Variants in MACROD2 observed in about 807,000 individuals in gnomAD.
MACROD2 encodes the protein mono-ADP ribosylhydrolase 2.
Under a neutral mutation model 70.4 loss-of-function variants are expected in MACROD2, and 36 were observed. That is an observed-to-expected ratio of 0.51 (90% confidence interval 0.39 to 0.68). MACROD2 has a LOEUF of 0.68. MACROD2 is among the 30% of genes least tolerant of loss of function. The probability of loss-of-function intolerance (pLI) is 0.00; values close to 1 mark genes in which losing one functional copy is unlikely to be tolerated. For missense variants in MACROD2, 496 were observed against 538.4 expected (o/e 0.92, Z 0.78); for synonymous variants, 172 against 178.8 (o/e 0.96, Z 0.30).
intron 8 of MACROD2, among the ~76,000 whole-genome samples, chr20:15,795,310 T>C (rs2063662872): frequency 6.6e-6 from 1 of 152,148 alleles, no homozygotes; most frequent in African/African-American, 2.4e-5. Context: ...TTTATGTTTC[T>C]ATAGATATCT....
At chr20:15,037,543 A>C (rs1005765184) in intron 5 of MACROD2, among the ~76,000 whole-genome samples, 1 of 152,192 alleles carries the variant, frequency 6.6e-6, no homozygotes, top group Non-Finnish European at 1.5e-5. Context: ...ACATGATTTC[A>C]AATGTGCTGG....
intron 8 of MACROD2, among the ~76,000 whole-genome samples, chr20:15,829,722 C>T (rs1180095698): frequency 6.6e-6 from 1 of 152,126 alleles, no homozygotes; most frequent in Non-Finnish European, 1.5e-5. Flanking sequence ...GCATTCTCCA[C>T]AGTCACACTC....
At chr20:15,305,141 G>C (rs1294205723) in intron 6 of MACROD2, among the ~76,000 whole-genome samples, 1 of 152,084 alleles carries the variant, frequency 6.6e-6, no homozygotes, top group African/African-American at 2.4e-5. Context: ...TGTGACCCTG[G>C]GCTGGCCAAT....
At chr20:14,776,852 C>T (rs1223695112) in intron 5 of MACROD2, among the ~76,000 whole-genome samples, 1 of 151,946 alleles carries the variant, frequency 6.6e-6, no homozygotes, top group Admixed American at 6.6e-5. Flanking sequence ...TGAAGTGTAC[C>T]TTGGGCTAAT....
At chr20:15,138,095 A>G (rs1234032560) in intron 5 of MACROD2, among the ~76,000 whole-genome samples, 3 of 152,156 alleles carry the variant, frequency 2.0e-5, no homozygotes, top group African/African-American at 7.2e-5. Flanking sequence ...ATATTCTGAT[A>G]TGAGATGAAA....
At chr20:14,304,119 C>G (rs1029939902) in intron 3 of MACROD2, among the ~76,000 whole-genome samples, 2 of 152,134 alleles carry the variant, frequency 1.3e-5, no homozygotes, top group African/African-American at 4.8e-5. Flanking sequence ...CGAATGCAAA[C>G]TTTCATGTCA....
chr20:14,980,187 G>T (rs1489182799), intron 5 of MACROD2, among the ~76,000 whole-genome samples: 2 of 152,096 alleles, frequency 1.3e-5, no homozygotes, highest in African/African-American at 4.8e-5. Flanking sequence ...CCTTAAAAAG[G>T]TTAATGGGTC....
At chr20:15,242,680 A>G (rs2077070017) in intron 6 of MACROD2, among the ~76,000 whole-genome samples, 1 of 152,254 alleles carries the variant, frequency 6.6e-6, no homozygotes, top group Non-Finnish European at 1.5e-5. Flanking sequence ...GGTATCTAAT[A>G]AATGACCAAG....
intron 5 of MACROD2, among the ~76,000 whole-genome samples, chr20:14,688,392 T>C (rs2071026507): frequency 6.6e-6 from 1 of 152,218 alleles, no homozygotes; most frequent in Admixed American, 6.5e-5. Flanking sequence ...ATTATACTTG[T>C]ATTCTGTGTT....
chr20:15,176,184 G>T (rs577003881), intron 5 of MACROD2, among the ~76,000 whole-genome samples: 1 of 152,206 alleles, frequency 6.6e-6, no homozygotes. Context: ...GCAAAGGAGG[G>T]GCTGAGGGCA....
chr20:14,987,896 G>A (rs2423901), intron 5 of MACROD2, among the ~76,000 whole-genome samples: 16,864 of 152,024 alleles, frequency 0.11, 2,132 homozygotes, highest in African/African-American at 0.31. Flanking sequence ...TCAGAAATCA[G>A]TTCATTGCTT....
chr20:14,510,779 GT>G (rs949630191), intron 4 of MACROD2, among the ~76,000 whole-genome samples: 19 of 152,080 alleles, frequency 1.2e-4, no homozygotes, highest in Admixed American at 1.1e-3. Context: ...TTTTCTTAAA[GT>G]TTTTTCACAA....
chr20:14,660,896 A>G (rs1311597523), intron 4 of MACROD2, among the ~76,000 whole-genome samples: 1 of 151,932 alleles, frequency 6.6e-6, no homozygotes, highest in African/African-American at 2.4e-5. Flanking sequence ...CTTTTTTTTA[A>G]TGGCTGTGTA....
chr20:15,972,866 C>G (rs1481597355), intron 13 of MACROD2, among the ~76,000 whole-genome samples: 1 of 151,696 alleles, frequency 6.6e-6, no homozygotes, highest in Non-Finnish European at 1.5e-5. Flanking sequence ...AAACTAGAAA[C>G]TACAATGACA....
chr20:15,165,173 C>T (rs370049), intron 5 of MACROD2, among the ~76,000 whole-genome samples: 11 of 152,000 alleles, frequency 7.2e-5, no homozygotes, highest in Admixed American at 1.3e-4. Context: ...GACTTGACAC[C>T]GGCTGGGTAC....
At chr20:14,967,098 A>G (rs1021568234) in intron 5 of MACROD2, among the ~76,000 whole-genome samples, 1 of 152,182 alleles carries the variant, frequency 6.6e-6, no homozygotes, top group African/African-American at 2.4e-5. Flanking sequence ...ATACTTTTTC[A>G]TGTTCTTATC....
chr20:16,000,622 C>T (rs187543433), intron 15 of MACROD2, among the ~76,000 whole-genome samples: 254 of 152,306 alleles, frequency 1.7e-3, no homozygotes, highest in Non-Finnish European at 3.0e-3. Context: ...TGCCACTGTA[C>T]GTAGAGTTCA....
intron 6 of MACROD2, among the ~76,000 whole-genome samples, chr20:15,368,433 A>G (rs956273021): frequency 8.0e-5 from 12 of 149,790 alleles, no homozygotes; most frequent in African/African-American, 3.0e-4. Context: ...ACCAAAGAAT[A>G]TCTATTTTCT....
rs578094664 is a variant in MACROD2 at position 14,890,776 on chromosome 20, A to T, written c.418+205817A>T. Among the ~76,000 whole-genome samples the T allele has an allele frequency of 3.3e-3, 90 of 26,958 alleles. No homozygotes were observed. In the African/African-American group the frequency reaches 0.038, roughly 11 times the overall value. 17.7% of individuals were successfully genotyped at this position (26,958 alleles called of 152,430 possible). A position where few individuals can be genotyped will look rare whatever the true frequency, so the allele number is the denominator to read the frequency against. On this transcript the variant is annotated intron_variant, in intron 5 of 17. Coordinates refer to ENST00000684519, the MANE Select transcript of MACROD2 (RefSeq NM_001351661.2). ...AAAAACAGAAAAAAAAAAATAATAA[A>T]AATTAAAAAAAAAAGAAAGAAGGAA...
Sources: allele counts gnomAD v4.1 joint callset (sites outside exome capture counted in the v4.1 genomes callset), GRCh38; gene constraint gnomAD v4.1.1; transcripts MANE v1.5; gene names NCBI Gene and HGNC (gene_info 2026-07-23, HGNC 2026-07-21).